The following TAF4B variants were observed in gnomAD, a reference collection of about 807,000 sequenced individuals.
The protein encoded by TAF4B is TATA-box binding protein associated factor 4b, also known as transcription initiation factor TFIID subunit 4B.
In TAF4B, 38 loss-of-function variants were observed where a neutral mutation model predicts 86.4. The ratio of observed to expected loss-of-function variants is 0.44; its 90% CI spans 0.34 to 0.58. The LOEUF (loss-of-function observed/expected upper bound fraction) is 0.58, where lower values mean the gene tolerates loss of function less well. Among genes scored for constraint, TAF4B ranks in the 20% least tolerant of loss-of-function variants. TAF4B has a pLI of 0.02. For synonymous variants in TAF4B, 388 were observed against 391.2 expected, an observed-to-expected ratio of 0.99 and a Z score of 0.10; for missense variants, 988 against 1,027.6, an observed-to-expected ratio of 0.96 and a Z score of 0.53.
At chr18:26,287,131 T>C (rs569687155) in intron 7 of TAF4B, among the ~76,000 whole-genome samples, 16 of 152,244 alleles carry the variant, frequency 1.1e-4, no homozygotes, top group Non-Finnish European at 2.4e-4. Context: ...AAATTAATAT[T>C]GGTACAGTAT....
At chr18:26,280,043 C>CA (rs34693562) in intron 5 of TAF4B, among the ~76,000 whole-genome samples, 31 of 144,744 alleles carry the variant, frequency 2.1e-4, no homozygotes, top group African/African-American at 4.1e-4. Context: ...GACTCTATCT[C>CA]AAAAAAAAAA....
chr18:26,322,049 T>C (rs1247468854), intron 11 of TAF4B, among the ~76,000 whole-genome samples: 1 of 152,148 alleles, frequency 6.6e-6, no homozygotes, highest in Non-Finnish European at 1.5e-5. Context: ...AAAGAGAAGG[T>C]AACCTGAGTT....
At chr18:26,353,482 G>A (rs569544620) in intron 13 of TAF4B, among the ~76,000 whole-genome samples, 2 of 152,324 alleles carry the variant, frequency 1.3e-5, no homozygotes, top group South Asian at 4.2e-4. Context: ...TGTAATCCCG[G>A]CACTTTGGGA....
chr18:26,252,222 T>A (rs2056017082), intron 1 of TAF4B, among the ~76,000 whole-genome samples: 1 of 152,218 alleles, frequency 6.6e-6, no homozygotes, highest in African/African-American at 2.4e-5. Context: ...AGTGTTAGTT[T>A]TGTACTTTGT....
intron 14 of TAF4B, among the ~76,000 whole-genome samples, chr18:26,362,382 T>G (rs1393422281): frequency 1.3e-5 from 2 of 152,218 alleles, no homozygotes; most frequent in African/African-American, 4.8e-5. Flanking sequence ...ATTTTATCAG[T>G]AGCATTAATG....
At chr18:26,320,057 T>C (rs1019457105) in intron 10 of TAF4B, among the ~76,000 whole-genome samples, 2 of 152,246 alleles carry the variant, frequency 1.3e-5, no homozygotes, top group Non-Finnish European at 2.9e-5. Context: ...GCTTTCATTA[T>C]ATAATATCAA....
chr18:26,357,127 G>A (rs900336931), intron 13 of TAF4B, among the ~76,000 whole-genome samples: 8 of 152,126 alleles, frequency 5.3e-5, no homozygotes, highest in African/African-American at 1.7e-4. Context: ...CTTACTATTT[G>A]TGTGGTGCCT....
intron 1 of TAF4B, among the ~76,000 whole-genome samples, chr18:26,237,737 C>G (rs2055771105): frequency 6.6e-6 from 1 of 152,134 alleles, no homozygotes; most frequent in Non-Finnish European, 1.5e-5. Context: ...GGTCAAACTG[C>G]AGGATAGTAT....
intron 14 of TAF4B, among the ~76,000 whole-genome samples, chr18:26,358,449 G>A (rs1050195711): frequency 5.3e-5 from 8 of 152,250 alleles, no homozygotes; most frequent in South Asian, 2.1e-4. Context: ...GGTGGCTCAC[G>A]CCTGTAATCC....
chr18:26,281,217 C>T (rs1412075600), intron 5 of TAF4B, among the ~76,000 whole-genome samples: 1 of 152,104 alleles, frequency 6.6e-6, no homozygotes, highest in Non-Finnish European at 1.5e-5. Context: ...GTGACGAGAT[C>T]ATCTGTACCC....
At chr18:26,299,563 C>G (rs965339941) in intron 9 of TAF4B, among the ~76,000 whole-genome samples, 5 of 152,002 alleles carry the variant, frequency 3.3e-5, no homozygotes, top group Non-Finnish European at 7.4e-5. Context: ...AGTCTTCCCC[C>G]CCTCCTTTGT....
At chr18:26,372,909 C>G (rs913866381) in intron 14 of TAF4B, among the ~76,000 whole-genome samples, 1 of 148,950 alleles carries the variant, frequency 6.7e-6, no homozygotes, top group African/African-American at 2.5e-5. Context: ...GCGGAGCTTG[C>G]AGTGAGCCGA....
intron 3 of TAF4B, among the ~76,000 whole-genome samples, chr18:26,269,671 T>C (rs746559882): frequency 1.1e-4 from 16 of 151,944 alleles, no homozygotes; most frequent in Non-Finnish European, 1.8e-4. Flanking sequence ...ACTAATACCA[T>C]TTGTTGTCAC....
At chr18:26,312,750 A>T (rs1271428654) in intron 9 of TAF4B, among the ~76,000 whole-genome samples, 1 of 152,130 alleles carries the variant, frequency 6.6e-6, no homozygotes, top group Non-Finnish European at 1.5e-5. Flanking sequence ...ACAGGCACTC[A>T]GTGTTGTATG....
At chr18:26,261,442 C>T (rs958464474) in intron 1 of TAF4B, among the ~76,000 whole-genome samples, 11 of 152,056 alleles carry the variant, frequency 7.2e-5, no homozygotes, top group African/African-American at 1.9e-4. Context: ...CCTTGTGATC[C>T]GCCCGCCTCG....
At chr18:26,231,395 C>CAGGTTGG (rs1239553195) in intron 1 of TAF4B, among the ~76,000 whole-genome samples, 1 of 141,896 alleles carries the variant, frequency 7.0e-6, no homozygotes, top group Non-Finnish European at 1.5e-5. Context: ...CTCTGTTGCC[C>CAGGTTGG]AGGTTGGAGT....
chr18:26,326,980 C>T (rs547492694), intron 11 of TAF4B, 35 bp from the exon 12 acceptor site: 125 of 1,598,396 alleles, frequency 7.8e-5, no homozygotes, highest in Non-Finnish European at 6.7e-5. Flanking sequence ...GGCCCAGGAT[C>T]ATTATAAGAC....
chr18:26,354,605 G>A (rs571940673), intron 13 of TAF4B, among the ~76,000 whole-genome samples: 1 of 152,308 alleles, frequency 6.6e-6, no homozygotes, highest in African/African-American at 2.4e-5. Context: ...TTAGGCCAAG[G>A]TTCAGGCCTG....
intron 9 of TAF4B, among the ~76,000 whole-genome samples, chr18:26,308,795 C>G (rs947194174): frequency 2.1e-5 from 3 of 145,900 alleles, no homozygotes; most frequent in African/African-American, 7.6e-5. Context: ...TCGCTGGAAC[C>G]TGGGAGGCGG....
Sources: gnomAD v4.1 joint callset for allele counts (sites outside exome capture counted in the v4.1 genomes callset) on GRCh38, gnomAD v4.1.1 for gene constraint, MANE v1.5 for transcripts, NCBI Gene and HGNC (gene_info 2026-07-23, HGNC 2026-07-21) for gene names.